Variants in COL9A2 observed in about 807,000 individuals in gnomAD.
COL9A2 encodes collagen alpha-2(IX) chain.
In COL9A2, 66 loss-of-function variants were observed where a neutral mutation model predicts 111.6. That is an observed-to-expected ratio of 0.59 (90% CI 0.48 to 0.73). The LOEUF (loss-of-function observed/expected upper bound fraction) is 0.73, where lower values mean the gene tolerates loss of function less well. Ranked by LOEUF, COL9A2 falls within the 30% of genes least tolerant of loss-of-function variation. COL9A2 has a pLI of 0.00. For missense variants in COL9A2, 881 were observed against 954.1 expected, an observed-to-expected ratio of 0.92 and a Z score of 1.01; for synonymous variants, 353 against 364.1, an observed-to-expected ratio of 0.97 and a Z score of 0.35.
rs770075367 is a variant in COL9A2, at chr1:40,309,939, T to G, written c.845A>C (p.Glu282Ala). 3.7e-6 allele frequency: 6 copies of G among 1,613,606 alleles called. No homozygotes were observed. Among genetic ancestry groups the G allele is most frequent in the Non-Finnish European group, 4.2e-6 (5 of 1,179,978 alleles). Residue 282 changes from glutamate to alanine, a missense_variant and splice_region_variant, in exon 16 of 32, where the codon GAG becomes GCG. Physicochemically the swap from Glu to Ala is moderately radical, Grantham distance 107. Transcript: ENST00000372748. ...AACAATGGGTGCCTGAGGACTCACC[T>G]CGTCACCCTTCTCCCCAGCTCGGCC... is the stretch of plus-strand genomic sequence containing the variant. ...PPGRAGEKGD[E>A]GSPGIRGPQG...
At position 40,307,329 on chromosome 1, in the gene COL9A2, C is replaced by A; in HGVS notation, c.1008+117G>T. ...GAAGCCTTCGCCAGGCCAGGGGCCA[C>A]AGAGTTGGTAACAAGGCAAGAGGTG... On this transcript the variant is annotated intron_variant, in intron 19 of 31. Coordinates refer to ENST00000372748, the MANE Select transcript of COL9A2 (RefSeq NM_001852.4). This position sits in a 1 kb window ranked among gnomAD's most constrained non-coding sequence, Gnocchi z 4.8. The A allele has an allele frequency of 2.0e-6, 2 of 1,003,636 alleles. No homozygotes were observed. The highest frequency in any genetic ancestry group is 2.6e-5 in the East Asian group (1 of 38,464). 62.2% of individuals were successfully genotyped at this position (1,003,636 alleles called of 1,614,324 possible).
Position 40,302,577 on chromosome 1 carries a change from T to C in COL9A2, c.1792+44A>G. On this transcript the variant is annotated intron_variant, in intron 30 of 31. Coordinates refer to ENST00000372748, the MANE Select transcript of COL9A2 (RefSeq NM_001852.4). The surrounding 1 kb of genome is among the most constrained non-coding windows in gnomAD (Gnocchi z 4.5). Reference sequence around the variant, plus strand: ...TGGGGAAAGGGCCGGCCTGGACAAATCCTCACTGCCTGGCCCCCATGCCCA... The same window carrying C: ...TGGGGAAAGGGCCGGCCTGGACAAACCCTCACTGCCTGGCCCCCATGCCCA... 2 of 1,561,382 alleles carry C rather than the reference T, an allele frequency of 1.3e-6. No individual in the cohort carries two copies. The highest frequency in any genetic ancestry group is 1.7e-6 in the Non-Finnish European group (2 of 1,156,108).
chr1:40,305,061 CTTTT>C (rs869251364), intron 21 of COL9A2: 774 of 123,138 alleles, frequency 6.3e-3, no homozygotes, highest in South Asian at 0.014. Context: ...TTCTTTCTTT[CTTTT>C]TTTTTTTTTT....
chr1:40,306,599 G>T (rs1644033664), intron 19 of COL9A2, among the ~76,000 whole-genome samples: 1 of 151,148 alleles, frequency 6.6e-6, no homozygotes, highest in South Asian at 2.1e-4. Context: ...GGCACAAAGA[G>T]ACCAGAAAGG....
chr1:40,312,495 A>G lies in COL9A2; in HGVS notation c.340-16T>C. On this transcript the variant is annotated splice_polypyrimidine_tract_variant and intron_variant, in intron 6 of 31. Transcript: ENST00000372748. This position sits in a 1 kb window ranked among gnomAD's most constrained non-coding sequence, Gnocchi z 6.0. ...AACCAGGGCCCTGGAACAGAAAGAA[A>G]GAAAATTGGCTTCATGGCTCCCTCT... 1 of 1,613,954 alleles carries G rather than the reference A, an allele frequency of 6.2e-7. No homozygotes were observed. Among genetic ancestry groups the G allele is most frequent in the Non-Finnish European group, 8.5e-7 (1 of 1,179,928 alleles).
chr1:40,311,884 G>A lies in COL9A2; in HGVS notation c.418-169C>T, dbSNP rs954698170. Reference sequence around the variant, plus strand: ...CTGATTGACAGGGGATGGGGCCAGCGGCGTCCCTAAAAGACCTAGTGCCGG... The same window carrying A: ...CTGATTGACAGGGGATGGGGCCAGCAGCGTCCCTAAAAGACCTAGTGCCGG... On this transcript the variant is annotated intron_variant, in intron 8 of 31. Transcript: ENST00000372748. This position sits in a 1 kb window ranked among gnomAD's most constrained non-coding sequence, Gnocchi z 5.1. Among the ~76,000 whole-genome samples the A allele has an allele frequency of 1.3e-5, 2 of 152,158 alleles. No individual in the cohort carries two copies. The highest frequency in any genetic ancestry group is 6.5e-5 in the Admixed American group (1 of 15,282).
chr1:40,303,938 T>C lies in COL9A2; in HGVS notation c.1358A>G (p.Lys453Arg). The change falls in exon 26 of 32, where the codon AAA becomes AGA. Residue 453 changes from lysine (K) to arginine (R), a missense_variant. Lys to Arg is a conservative substitution (Grantham distance 26). Transcript: ENST00000372748. The surrounding 1 kb of genome is among the most constrained non-coding windows in gnomAD (Gnocchi z 4.6). ...DPGVAGLPGE[K>R]GEKGESGEPG... is the part of the protein sequence containing the mutation. ...AGGCCGCGCGCTCACCTTCTCGCCT[T>C]TCTCTCCGGGGAGGCCGGCCACCCC... The C allele has an allele frequency of 6.4e-7, 1 of 1,557,926 alleles. No individual in the cohort carries two copies. Among genetic ancestry groups the C allele is most frequent in the Non-Finnish European group, 8.7e-7 (1 of 1,150,488 alleles).
At position 40,302,190 on chromosome 1, in the gene COL9A2, A is replaced by G. The variant is rs897075759; in HGVS notation, c.1793-301T>C. On this transcript the variant is annotated intron_variant, in intron 30 of 31. Transcript: ENST00000372748. This position sits in a 1 kb window ranked among gnomAD's most constrained non-coding sequence, Gnocchi z 4.5. ...CTCTAAGGATAGTCCTCACTGCCAC[A>G]TGATGAGGTTGGTACTTTCAGTGTC... is the stretch of plus-strand genomic sequence containing the variant. Among the ~76,000 whole-genome samples the G allele has an allele frequency of 2.0e-5, 3 of 152,188 alleles. No homozygotes were observed. Among genetic ancestry groups the G allele is most frequent in the Admixed American group, 1.3e-4 (2 of 15,276 alleles).
Position 40,311,158 on chromosome 1 carries a change from G to T in COL9A2, c.577-12C>A, listed in dbSNP as rs1416821856. 6.8e-6 allele frequency: 11 copies of T among 1,614,204 alleles called. No homozygotes were observed. The highest frequency in any genetic ancestry group is 9.3e-6 in the Non-Finnish European group (11 of 1,180,024). ...TTGCCCGCATGCCCCTGAAGGGAAG[G>T]AGAGAGCTCAATACGAGGTCCCCTC... On this transcript the variant is annotated splice_polypyrimidine_tract_variant and intron_variant, in intron 11 of 31. Transcript: ENST00000372748. This position sits in a 1 kb window ranked among gnomAD's most constrained non-coding sequence, Gnocchi z 5.1.
rs755357677 is a variant in COL9A2, at chr1:40,306,171, G to A, written c.1025C>T (p.Pro342Leu). 5 of 1,614,106 alleles carry A rather than the reference G, an allele frequency of 3.1e-6. No individual in the cohort carries two copies. The highest frequency in any genetic ancestry group is 4.2e-6 in the Non-Finnish European group (5 of 1,180,024). ...GTCTCCAGGGCCTCCTTTTGTCCCA[G>A]GCTGGCCTGGCACACCCTGCAGAAA... ...HQGLAGVPGQPGTKGGPGDQG... is the reference protein window; with the variant it reads ...HQGLAGVPGQLGTKGGPGDQG... Residue 342 changes from proline to leucine, a missense_variant, in exon 20 of 32, where the codon CCT becomes CTT. Coordinates refer to ENST00000372748, the MANE Select transcript of COL9A2 (RefSeq NM_001852.4).
At chr1:40,305,083 T>C (rs1203523818) in intron 21 of COL9A2, 2 of 407,058 alleles carry the variant, frequency 4.9e-6, no homozygotes, top group East Asian at 4.7e-5. Flanking sequence ...TTTTTTTTTT[T>C]TTGAGAGGGA....
chr1:40,311,602 G>T lies in COL9A2; in HGVS notation c.472-55C>A, dbSNP rs1483617121. ...CCTGACCCTTTCCCGCCGCAGGCTT[G>T]CTCAAAGACCCTTCTCCTTCCCCTG... is the stretch of plus-strand genomic sequence containing the variant. On this transcript the variant is annotated intron_variant, in intron 9 of 31. Coordinates refer to ENST00000372748, the MANE Select transcript of COL9A2 (RefSeq NM_001852.4). The surrounding 1 kb of genome is among the most constrained non-coding windows in gnomAD (Gnocchi z 5.1). 2.5e-6 allele frequency: 4 copies of T among 1,613,422 alleles called. No individual in the cohort carries two copies. Among genetic ancestry groups the T allele is most frequent in the Non-Finnish European group, 1.7e-6 (2 of 1,179,564 alleles).
intron 16 of COL9A2, 78 bp from the exon 17 acceptor site, chr1:40,308,323 G>A: frequency 4.2e-6 from 6 of 1,439,686 alleles, no homozygotes; most frequent in Non-Finnish European, 5.8e-6. Flanking sequence ...GAACCACTGA[G>A]AACAGTGGCC....
chr1:40,307,567 A>AT lies in COL9A2; in HGVS notation c.955-69dup. ...CCAGAGGGCCATGGCTTCTACCCAG[A>AT]TGCAGGTAGGGAAACTGAGATCCAG... On this transcript the variant is annotated intron_variant, in intron 18 of 31. Coordinates refer to ENST00000372748, the MANE Select transcript of COL9A2 (RefSeq NM_001852.4). This position sits in a 1 kb window ranked among gnomAD's most constrained non-coding sequence, Gnocchi z 4.8. 6.3e-7 allele frequency: 1 copy of AT among 1,598,526 alleles called. No individual in the cohort carries two copies. Among genetic ancestry groups the AT allele is most frequent in the South Asian group, 1.1e-5 (1 of 90,032 alleles).
At chr1:40,315,508 T>TCCCCC in intron 2 of COL9A2, 82 bp downstream of exon 2, 3 of 1,392,698 alleles carry the variant, frequency 2.2e-6, no homozygotes, top group Non-Finnish European at 1.9e-6. Context: ...CACCCCGAAG[T>TCCCCC]CCCCACCCCC....
intron 24 of COL9A2, 64 bp downstream of exon 24, chr1:40,304,256 T>C (rs1296875034): frequency 1.3e-6 from 2 of 1,541,504 alleles, no homozygotes; most frequent in East Asian, 2.4e-5. Context: ...ATCTGAGTCC[T>C]GCCGACCCCA....
rs78433538 is a variant in COL9A2 at position 40,316,581 on chromosome 1, C to T, written c.75+542G>A. On this transcript the variant is annotated intron_variant, in intron 1 of 31. Transcript: ENST00000372748. This position sits in a 1 kb window ranked among gnomAD's most constrained non-coding sequence, Gnocchi z 5.5. ...CACGACCTCCCCAGGCCGCGAAGTG[C>T]CAGGCTGGCGCCCCGCAGGCGAGCT... The T allele has an allele frequency of 2.0e-3, 907 of 454,554 alleles. 9 individuals are homozygous for T. The highest frequency in any genetic ancestry group is 0.017 in the African/African-American group (839 of 49,562). The allele number at this position is 454,554 out of a possible 1,614,324, so 28.2% of individuals were successfully genotyped here.
rs555650940 is a variant in COL9A2, at chr1:40,312,583, A to G, written c.330T>C (p.Pro110=). ...TGCAGGTTGTACTCACCGGAAGGCC[A>G]GGAGGACCAGGAAGCCCGGGCTGGC... ...VKGQPGLPGP[P]GLPGPGFAGP... is the part of the protein sequence containing the mutation. The change falls in exon 6 of 32, where the codon CCT becomes CCC. Residue 110 remains proline (P), a synonymous_variant. Transcript: ENST00000372748. This position sits in a 1 kb window ranked among gnomAD's most constrained non-coding sequence, Gnocchi z 6.0. The G allele has an allele frequency of 9.3e-6, 15 of 1,614,170 alleles. No individual in the cohort carries two copies. The South Asian group carries it at 1.5e-4, about 17-fold the overall frequency.
chr1:40,312,383 C>A lies in COL9A2; in HGVS notation c.363+73G>T. The A allele has an allele frequency of 6.4e-7, 1 of 1,572,400 alleles. No homozygotes were observed. The highest frequency in any genetic ancestry group is 8.7e-7 in the Non-Finnish European group (1 of 1,152,814). On this transcript the variant is annotated intron_variant, in intron 7 of 31. Transcript: ENST00000372748. The surrounding 1 kb of genome is among the most constrained non-coding windows in gnomAD (Gnocchi z 6.0). The stretch of plus-strand genomic sequence containing the variant: ...CTGGCTCCTTCCCATGGTGGCCATT[C>A]CCTCGAAGCCTTTCTGTTGTCCCCT...
Sources: allele counts gnomAD v4.1 joint callset (sites outside exome capture counted in the v4.1 genomes callset), GRCh38; gene constraint gnomAD v4.1.1; non-coding constraint Gnocchi (gnomAD v3.1); transcripts MANE v1.5; gene names NCBI Gene and HGNC (gene_info 2026-07-23, HGNC 2026-07-21).